Variants in ABLIM2 observed in about 807,000 individuals in gnomAD.
The protein encoded by ABLIM2 is actin-binding LIM protein 2.
Under a neutral mutation model 97.7 loss-of-function variants are expected in ABLIM2, and 53 were observed. That is an observed-to-expected ratio of 0.54 (90% CI 0.44 to 0.68). The LOEUF (loss-of-function observed/expected upper bound fraction) is 0.68. Ranked by LOEUF, ABLIM2 falls within the 30% of genes least tolerant of loss-of-function variation. ABLIM2 has a pLI of 0.00. For missense variants in ABLIM2, 835 were observed against 867.2 expected, an observed-to-expected ratio of 0.96 and a Z score of 0.47; for synonymous variants, 361 against 345.8, an observed-to-expected ratio of 1.04 and a Z score of -0.49.
intron 14 of ABLIM2, among the ~76,000 whole-genome samples, chr4:8,014,342 C>T (rs977878414): frequency 2.6e-5 from 4 of 152,278 alleles, no homozygotes; most frequent in Admixed American, 6.5e-5. Flanking sequence ...TCCCCTCCTA[C>T]GTCTTCCAGA....
intron 10 of ABLIM2, among the ~76,000 whole-genome samples, chr4:8,031,881 T>C (rs573954773): frequency 6.6e-6 from 1 of 152,204 alleles, no homozygotes; most frequent in South Asian, 2.1e-4. Context: ...GTGTCACCCA[T>C]GCCTGGGTAA....
At chr4:8,137,602 G>A (rs1850369208) in intron 1 of ABLIM2, among the ~76,000 whole-genome samples, 1 of 152,208 alleles carries the variant, frequency 6.6e-6, no homozygotes, top group African/African-American at 2.4e-5. Flanking sequence ...GGGATGGGAG[G>A]TGCAGTTGGC....
At chr4:8,040,938 G>C (rs1034478008) in intron 9 of ABLIM2, among the ~76,000 whole-genome samples, 1 of 152,200 alleles carries the variant, frequency 6.6e-6, no homozygotes, top group African/African-American at 2.4e-5. Context: ...TCAGCGACGT[G>C]GGCACACTGA....
chr4:8,096,962 G>C, intron 3 of ABLIM2, 137 bp downstream of exon 3: 1 of 1,121,588 alleles, frequency 8.9e-7, no homozygotes, highest in Non-Finnish European at 1.2e-6. Context: ...GCAGACTGTG[G>C]GGCCTGGAAC....
chr4:8,038,171 T>A (rs1302804379), intron 9 of ABLIM2, among the ~76,000 whole-genome samples: 1 of 152,060 alleles, frequency 6.6e-6, no homozygotes, highest in Non-Finnish European at 1.5e-5. Flanking sequence ...AACACAATGA[T>A]GCCACAAAGG....
rs764672798 is a variant in ABLIM2, at chr4:8,075,150, C to T, written c.675+2478G>A. ...GAGTAAAGCTTATGTCCGAACGAAC[C>T]TTGAAAACATCAAGCTATGTGAAAG... On this transcript the variant is annotated intron_variant, in intron 6 of 20. Coordinates refer to ENST00000447017, the MANE Select transcript of ABLIM2 (RefSeq NM_001130083.2). This position sits in a 1 kb window ranked among gnomAD's most constrained non-coding sequence, Gnocchi z 4.4. 6.6e-6 allele frequency among the ~76,000 whole-genome samples: 1 copy of T among 152,150 alleles called. No homozygotes were observed. The highest frequency in any genetic ancestry group is 1.5e-5 in the Non-Finnish European group (1 of 68,028).
chr4:8,019,522 A>G lies in ABLIM2; in HGVS notation c.1423+96T>C, dbSNP rs538068416. The stretch of plus-strand genomic sequence containing the variant: ...AGGGCCTTGGTGGTGCCTTCACTGC[A>G]TTTATCAGAACACAACAAAAGGATG... On this transcript the variant is annotated intron_variant, in intron 14 of 20. Transcript: ENST00000447017. The surrounding 1 kb of genome is among the most constrained non-coding windows in gnomAD (Gnocchi z 4.3). 6.3e-6 allele frequency: 8 copies of G among 1,277,860 alleles called. No individual in the cohort carries two copies. The highest frequency in any genetic ancestry group is 6.1e-5 in the African/African-American group (4 of 65,820). The allele number at this position is 1,277,860 out of a possible 1,614,324, so 79.2% of individuals were successfully genotyped here. A position where few individuals can be genotyped will look rare whatever the true frequency, so the allele number is the denominator to read the frequency against.
chr4:8,076,946 C>T (rs1160522086), intron 6 of ABLIM2, among the ~76,000 whole-genome samples: 1 of 131,446 alleles, frequency 7.6e-6, no homozygotes, highest in Non-Finnish European at 1.6e-5. Flanking sequence ...GTCTGTGAAC[C>T]CAGAGAAGGT....
At position 8,075,066 on chromosome 4, in the gene ABLIM2, G is replaced by C. The variant is rs1238125658; in HGVS notation, c.675+2562C>G. 6.6e-6 allele frequency among the ~76,000 whole-genome samples: 1 copy of C among 152,204 alleles called. No individual in the cohort carries two copies. Among genetic ancestry groups the C allele is most frequent in the Non-Finnish European group, 1.5e-5 (1 of 68,026 alleles). ...CCCAAAGTGCTGGGATTACAGGCAT[G>C]AGCCACCGCTCCCGGCCCAGCCTGA... On this transcript the variant is annotated intron_variant, in intron 6 of 20. Coordinates refer to ENST00000447017, the MANE Select transcript of ABLIM2 (RefSeq NM_001130083.2). The surrounding 1 kb of genome is among the most constrained non-coding windows in gnomAD (Gnocchi z 4.4).
intron 1 of ABLIM2, among the ~76,000 whole-genome samples, chr4:8,119,777 C>G (rs1182313032): frequency 6.6e-6 from 1 of 152,184 alleles, no homozygotes; most frequent in Non-Finnish European, 1.5e-5. Flanking sequence ...GGCCCTGGCT[C>G]GAGGGCTTGG....
chr4:8,066,520 T>C (rs1009034553), intron 6 of ABLIM2: 3 of 152,218 alleles, frequency 2.0e-5, no homozygotes, highest in African/African-American at 4.8e-5. Context: ...CCGGTGTCCA[T>C]CGTGGATGAA....
chr4:8,056,456 A>T (rs2152027830), intron 7 of ABLIM2, among the ~76,000 whole-genome samples: 1 of 151,888 alleles, frequency 6.6e-6, no homozygotes, highest in South Asian at 2.1e-4. Context: ...GCATAGCACC[A>T]TGCCCAGCTA....
chr4:7,983,591 T>C (rs991331351), intron 18 of ABLIM2, 37 bp from the exon 19 acceptor site: 2 of 1,610,712 alleles, frequency 1.2e-6, no homozygotes. Context: ...CGAAATGGTT[T>C]AGAAAGTGCA....
chr4:8,155,378 G>T lies in ABLIM2; in HGVS notation c.10+3302C>A, dbSNP rs1333610708. On this transcript the variant is annotated intron_variant, in intron 1 of 20. Transcript: ENST00000447017. This position sits in a 1 kb window ranked among gnomAD's most constrained non-coding sequence, Gnocchi z 4.2. ...GTCTGGGGACTAGGGCTCAGGTTCG[G>T]GCTCTGCCACATCCTCTCCTTGGCC... 6.6e-6 allele frequency among the ~76,000 whole-genome samples: 1 copy of T among 152,144 alleles called. No homozygotes were observed. Among genetic ancestry groups the T allele is most frequent in the Non-Finnish European group, 1.5e-5 (1 of 68,022 alleles).
At chr4:8,034,729 G>T in intron 10 of ABLIM2, among the ~76,000 whole-genome samples, 1 of 91,090 alleles carries the variant, frequency 1.1e-5, no homozygotes, top group Non-Finnish European at 2.2e-5. Flanking sequence ...GTAGGTGGGT[G>T]CAGGTGGGTG....
At chr4:8,070,271 T>A (rs543766562) in intron 6 of ABLIM2, among the ~76,000 whole-genome samples, 14 of 151,448 alleles carry the variant, frequency 9.2e-5, no homozygotes, top group African/African-American at 3.2e-4. Context: ...GTCTGTGGGT[T>A]GTGCATGTGT....
intron 8 of ABLIM2, among the ~76,000 whole-genome samples, chr4:8,047,971 C>G (rs1793637017): frequency 1.3e-5 from 2 of 152,242 alleles, no homozygotes. Context: ...GGAAAGTCTC[C>G]CAGGCTCCCG....
At chr4:8,049,791 T>C (rs1794820172) in intron 8 of ABLIM2, among the ~76,000 whole-genome samples, 1 of 152,174 alleles carries the variant, frequency 6.6e-6, no homozygotes, top group Non-Finnish European at 1.5e-5. Context: ...TGCAGTGCCA[T>C]GATCTTGACT....
intron 17 of ABLIM2, among the ~76,000 whole-genome samples, chr4:7,991,249 G>T (rs868619704): frequency 6.6e-6 from 1 of 151,524 alleles, no homozygotes; most frequent in Non-Finnish European, 1.5e-5. Context: ...TTTAGCATGT[G>T]AGCCTAGAGA....
Sources: allele counts gnomAD v4.1 joint callset (sites outside exome capture counted in the v4.1 genomes callset), GRCh38; gene constraint gnomAD v4.1.1; non-coding constraint Gnocchi (gnomAD v3.1); transcripts MANE v1.5; gene names NCBI Gene and HGNC (gene_info 2026-07-23, HGNC 2026-07-21).